Variants in TMEM80 observed in about 807,000 individuals in gnomAD.
TMEM80 encodes the protein transmembrane protein 80.
A neutral mutation model predicts 13.6 loss-of-function variants in TMEM80; 16 were observed. The observed-to-expected ratio is 1.17, with a 90% CI of 0.79 to 1.78. The LOEUF (loss-of-function observed/expected upper bound fraction) is 1.78, where lower values mean the gene tolerates loss of function less well. Among genes scored for constraint, TMEM80 ranks in the 40% most tolerant of loss-of-function variants. The pLI is 0.00. For synonymous variants in TMEM80, 92 were observed against 89.5 expected, an observed-to-expected ratio of 1.03 and a Z score of -0.16; for missense variants, 167 against 184.6, an observed-to-expected ratio of 0.90 and a Z score of 0.55.
At chr11:695,803 C>G (rs1045405533), upstream of TMEM80, 76 of 1,234,258 alleles carry the variant, frequency 6.2e-5, no homozygotes, top group East Asian at 2.2e-3. Flanking sequence ...GGGATCGCGA[C>G]GGACCGGCGG....
intron 4 of TMEM80, 165 bp downstream of exon 4, chr11:700,872 TAATC>T: frequency 1.5e-6 from 1 of 684,160 alleles, no homozygotes; most frequent in Admixed American, 2.4e-5. Flanking sequence ...CATTAAGTAT[TAATC>T]AAGAAGTTTT....
rs1861603975 is a variant in TMEM80, at chr11:703,726, A to G, written c.*576A>G. 1 of 1,232,426 alleles carries G rather than the reference A, an allele frequency of 8.1e-7. No homozygotes were observed. The highest frequency in any genetic ancestry group is 1.0e-6 in the Non-Finnish European group (1 of 988,614). The allele number at this position is 1,232,426 out of a possible 1,614,324, so 76.3% of individuals were successfully genotyped here. ...GTGCAAGAGTGGACTCTGGGTTCCT[A>G]AAGCAATAAATGCAAACAAGCCAAC... On this transcript the variant is annotated 3_prime_UTR_variant, in exon 5 of 5. Coordinates refer to ENST00000397510, the MANE Select transcript of TMEM80 (RefSeq NM_001042463.3).
At chr11:699,791 T>A (rs1861360846) in intron 2 of TMEM80, 1 of 231,588 alleles carries the variant, frequency 4.3e-6, no homozygotes, top group Non-Finnish European at 8.5e-6. Context: ...TTTTCTCTCT[T>A]AACTCATAAC....
intron 2 of TMEM80, 50 bp from the exon 3 acceptor site, chr11:700,092 G>A: frequency 6.5e-7 from 1 of 1,529,454 alleles, no homozygotes; most frequent in Non-Finnish European, 9.0e-7. Flanking sequence ...AGCCACCTGG[G>A]AGGCTGCTCC....
intron 4 of TMEM80, 124 bp downstream of exon 4, chr11:700,831 C>T: frequency 2.1e-6 from 2 of 935,298 alleles, no homozygotes; most frequent in East Asian, 2.4e-5. Context: ...AACTGCTTAC[C>T]CAGTTGCTTT....
Position 703,818 on chromosome 11 carries a change from C to T in TMEM80, c.*668C>T. The T allele has an allele frequency of 8.1e-7, 1 of 1,233,714 alleles. No individual in the cohort carries two copies. The highest frequency in any genetic ancestry group is 4.1e-5 in the South Asian group (1 of 24,342). The allele number at this position is 1,233,714 out of a possible 1,614,324, so 76.4% of individuals were successfully genotyped here. On this transcript the variant is annotated 3_prime_UTR_variant, in exon 5 of 5. Coordinates refer to ENST00000397510, the MANE Select transcript of TMEM80 (RefSeq NM_001042463.3). ...CCTTCAGGGGCTTCGGAGGAGAGGT[C>T]AGGGCTAAGGCCGGGGATGAGACTG...
chr11:699,884 G>A (rs554640638), intron 2 of TMEM80: 1 of 466,004 alleles, frequency 2.1e-6, no homozygotes, highest in South Asian at 2.9e-5. Context: ...CAGTCAGGAG[G>A]GCAGGGGCTG....
chr11:703,009 C>T lies in TMEM80; in HGVS notation c.291C>T (p.Gly97=), dbSNP rs756286809. The change falls in exon 5 of 5, where the codon GGC becomes GGT. Residue 97 remains glycine, a synonymous_variant. Coordinates refer to ENST00000397510, the MANE Select transcript of TMEM80 (RefSeq NM_001042463.3). ...PLAASLALTA[G]TALLSAHFLL... ...CCGCCAGCCTGGCCCTCACGGCTGG[C>T]ACCGCCCTCCTCTCTGCCCACTTCC... The T allele has an allele frequency of 2.5e-6, 4 of 1,612,216 alleles. No individual in the cohort carries two copies. The African/African-American group carries it at 4.0e-5, about 16-fold the overall frequency.
At chr11:700,354 C>G (rs767784274) in intron 3 of TMEM80, 119 bp downstream of exon 3, 4 of 945,532 alleles carry the variant, frequency 4.2e-6, no homozygotes, top group Non-Finnish European at 6.5e-6. Context: ...TGGGGAAACC[C>G]CATCTCTACT....
At chr11:698,937 C>G (rs763126533) in intron 2 of TMEM80, 49 bp downstream of exon 2, 1 of 1,612,268 alleles carries the variant, frequency 6.2e-7, no homozygotes, top group Non-Finnish European at 8.5e-7. Flanking sequence ...GCCCGAATTG[C>G]TGCTGCACAG....
intron 2 of TMEM80, chr11:699,792 A>G: frequency 4.3e-6 from 1 of 230,678 alleles, no homozygotes; most frequent in South Asian, 1.0e-4. Context: ...TTTCTCTCTT[A>G]ACTCATAACT....
intron 4 of TMEM80, 35 bp downstream of exon 4, chr11:700,742 C>T (rs1430618648): frequency 6.5e-7 from 1 of 1,539,382 alleles, no homozygotes; most frequent in South Asian, 1.1e-5. Context: ...AGAACCTGTC[C>T]TAAGAGTTGC....
At chr11:695,939 C>T (rs754499828) in intron 1 of TMEM80, 93 bp downstream of exon 1, 1 of 999,928 alleles carries the variant, frequency 1.0e-6, no homozygotes, top group Non-Finnish European at 1.3e-6. Context: ...TCGGTGCGCT[C>T]ACGGGGCCGT....
chr11:704,747 C>A (rs965509731), downstream of TMEM80: 93 of 961,152 alleles, frequency 9.7e-5, no homozygotes, highest in Non-Finnish European at 1.3e-4. Context: ...GGATGGGGCC[C>A]GAGAGGCCAG....
At chr11:698,190 C>T (rs1861285309) in intron 1 of TMEM80, among the ~76,000 whole-genome samples, 1 of 152,158 alleles carries the variant, frequency 6.6e-6, no homozygotes, top group African/African-American at 2.4e-5. Flanking sequence ...AATTAGTCCG[C>T]TCCAGGTCAG....
downstream of TMEM80, chr11:704,486 C>A: frequency 7.8e-7 from 1 of 1,289,400 alleles, no homozygotes; most frequent in Non-Finnish European, 1.0e-6. Flanking sequence ...CCACTTCACA[C>A]ACCAGCGCCT....
chr11:703,155 G>A lies in TMEM80; in HGVS notation c.*5G>A, dbSNP rs532167325. 24 of 1,599,352 alleles carry A rather than the reference G, an allele frequency of 1.5e-5. No homozygotes were observed. Among genetic ancestry groups the A allele is most frequent in the South Asian group, 1.1e-4 (10 of 89,876 alleles). On this transcript the variant is annotated 3_prime_UTR_variant, in exon 5 of 5. Transcript: ENST00000397510. ...ATCGCGGCCTTCACCAGGTAGCTACGGACACCCGGGATACCCCACACTGGG... is the reference window on the plus strand; with the variant it reads ...ATCGCGGCCTTCACCAGGTAGCTACAGACACCCGGGATACCCCACACTGGG...
At chr11:698,949 G>A in intron 2 of TMEM80, 61 bp downstream of exon 2, 1 of 1,606,716 alleles carries the variant, frequency 6.2e-7, no homozygotes, top group East Asian at 2.2e-5. Flanking sequence ...GCTGCACAGA[G>A]AGCACTCGGC....
At chr11:704,376 C>G, downstream of TMEM80, 1 of 1,110,512 alleles carries the variant, frequency 9.0e-7, no homozygotes, top group Admixed American at 2.3e-5. Context: ...TGCCTGTCTT[C>G]GTGGAAGCGG....
Sources: allele counts gnomAD v4.1 joint callset (sites outside exome capture counted in the v4.1 genomes callset), GRCh38; gene constraint gnomAD v4.1.1; transcripts MANE v1.5; gene names NCBI Gene and HGNC (gene_info 2026-07-23, HGNC 2026-07-21).